Variants in POLH observed in about 807,000 individuals in gnomAD.
POLH encodes DNA polymerase eta, also known as DNA polymerase eta transcript.
POLH carries 53 observed loss-of-function variants against 73.6 expected under a neutral mutation model. That is an observed-to-expected ratio of 0.72 (90% CI 0.58 to 0.91). The LOEUF (loss-of-function observed/expected upper bound fraction) is 0.91. Among genes scored for constraint, POLH ranks in the 40% least tolerant of loss-of-function variants. The probability of loss-of-function intolerance (pLI) is 0.00; values close to 1 mark genes in which losing one functional copy is unlikely to be tolerated. For synonymous variants in POLH, 292 were observed against 308.5 expected (o/e 0.95, Z 0.56); for missense variants, 768 against 865.4 (o/e 0.89, Z 1.41).
Position 43,620,137 on chromosome 6 carries a change from A to C in POLH, c.*5580A>C. 1 of 398,478 alleles carries C rather than the reference A, an allele frequency of 2.5e-6. No homozygotes were observed. The highest frequency in any genetic ancestry group is 1.9e-5 in the South Asian group (1 of 53,722). The allele number at this position is 398,478 out of a possible 1,614,324, so 24.7% of individuals were successfully genotyped here. ...AGATTACCTTTTGTCTCTAAATTCT[A>C]CTCTTCTTTAAGTAGCTGGCACTGT... On this transcript the variant is annotated 3_prime_UTR_variant, in exon 11 of 11. Coordinates refer to ENST00000372236, the MANE Select transcript of POLH (RefSeq NM_006502.3).
At chr6:43,594,174 G>GA (rs1250259971) in intron 4 of POLH, among the ~76,000 whole-genome samples, 1 of 152,008 alleles carries the variant, frequency 6.6e-6, no homozygotes, top group Non-Finnish European at 1.5e-5. Flanking sequence ...AAGCAATGAT[G>GA]AAAAAAATCT....
At chr6:43,585,998 A>T (rs1764786549) in intron 3 of POLH, among the ~76,000 whole-genome samples, 1 of 147,866 alleles carries the variant, frequency 6.8e-6, no homozygotes, top group African/African-American at 2.5e-5. Flanking sequence ...TAATGATTTA[A>T]AAAAAAAAAA....
rs146499197 is a variant in POLH at position 43,614,492 on chromosome 6, A to G, written c.2077A>G (p.Asn693Asp). The part of the protein sequence containing the change: ...RNPKSPLACT[N>D]KRPRPEGMQT... ...TCCCAAGAGCCCTTTGGCCTGCACT[A>G]ATAAACGCCCCAGGCCTGAGGGCAT... The change falls in exon 11 of 11, where the codon AAT (asparagine) becomes GAT (aspartate). Residue 693 changes from asparagine (N) to aspartate (D), a missense_variant. Physicochemically the swap from Asn to Asp is conservative, Grantham distance 23. Transcript: ENST00000372236. 6 of 1,613,994 alleles carry G rather than the reference A, an allele frequency of 3.7e-6. No individual in the cohort carries two copies. In the African/African-American group the frequency reaches 6.7e-5, roughly 18 times the overall value.
At chr6:43,586,338 A>G (rs112978421) in intron 3 of POLH, among the ~76,000 whole-genome samples, 4,992 of 152,044 alleles carry the variant, frequency 0.033, 266 homozygotes, top group African/African-American at 0.11. Context: ...AAAATTCACC[A>G]GGCGTGGTGG....
rs998355604 is a variant in POLH at position 43,619,793 on chromosome 6, G to A, written c.*5236G>A. ...AACAGCTTAGCCCCTAATACAGGAG[G>A]AAGTTGTTCAACTACAGGCTTGTTA... On this transcript the variant is annotated 3_prime_UTR_variant, in exon 11 of 11. Transcript: ENST00000372236. Among the ~76,000 whole-genome samples, 1 of 152,222 alleles carries A rather than the reference G, an allele frequency of 6.6e-6. No individual in the cohort carries two copies. Among genetic ancestry groups the A allele is most frequent in the Non-Finnish European group, 1.5e-5 (1 of 68,044 alleles).
chr6:43,585,714 C>G (rs1338655104), intron 3 of POLH, among the ~76,000 whole-genome samples: 1 of 147,172 alleles, frequency 6.8e-6, no homozygotes, highest in Non-Finnish European at 1.5e-5. Flanking sequence ...GGTGCAATCT[C>G]GGCTCACCAC....
chr6:43,598,473 A>G (rs1371468025), intron 5 of POLH, among the ~76,000 whole-genome samples: 3 of 142,464 alleles, frequency 2.1e-5, no homozygotes, highest in Non-Finnish European at 4.6e-5. Flanking sequence ...CTAAAAATAC[A>G]AAAAAAAAAA....
At chr6:43,604,216 G>A (rs1050673131) in intron 7 of POLH, among the ~76,000 whole-genome samples, 1 of 152,156 alleles carries the variant, frequency 6.6e-6, no homozygotes, top group African/African-American at 2.4e-5. Context: ...CTAGGTGGTT[G>A]ATAGATAAGA....
intron 1 of POLH, among the ~76,000 whole-genome samples, chr6:43,578,693 C>T (rs1033828080): frequency 1.1e-3 from 173 of 152,278 alleles, no homozygotes; most frequent in African/African-American, 4.1e-3. Context: ...TAGGAGAACT[C>T]TACCATTTTT....
chr6:43,607,857 G>C (rs111230917), intron 9 of POLH, among the ~76,000 whole-genome samples: 7,724 of 152,234 alleles, frequency 0.051, 651 homozygotes, highest in African/African-American at 0.17. Flanking sequence ...TTGAAATCCT[G>C]TTCCTGGGCC....
Position 43,620,283 on chromosome 6 carries a change from A to C in POLH, c.*5726A>C. 1 of 517,356 alleles carries C rather than the reference A, an allele frequency of 1.9e-6. No homozygotes were observed. The highest frequency in any genetic ancestry group is 3.9e-6 in the Non-Finnish European group (1 of 259,562). 32.0% of individuals were successfully genotyped at this position (517,356 alleles called of 1,614,324 possible). ...AAGGCCTCAGTATTCTGCTCACTTG[A>C]ACTACGGAAAATAGGCCACAATACT... On this transcript the variant is annotated 3_prime_UTR_variant, in exon 11 of 11. Transcript: ENST00000372236.
At chr6:43,606,595 A>C (rs956330316) in intron 9 of POLH, among the ~76,000 whole-genome samples, 1 of 151,692 alleles carries the variant, frequency 6.6e-6, no homozygotes, top group African/African-American at 2.4e-5. Flanking sequence ...TACCCAGCTA[A>C]TTTTTTTATT....
chr6:43,603,776 C>G (rs1457898197), intron 6 of POLH, 116 bp from the exon 7 acceptor site: 11 of 957,830 alleles, frequency 1.1e-5, no homozygotes, highest in Non-Finnish European at 1.9e-5. Context: ...AGAATATATG[C>G]TCTCATTTGT....
intron 4 of POLH, among the ~76,000 whole-genome samples, chr6:43,590,127 G>C (rs1210673673): frequency 6.6e-6 from 1 of 151,860 alleles, no homozygotes; most frequent in Non-Finnish European, 1.5e-5. Context: ...GGGAGGCCGA[G>C]GTGGGTGGAT....
At chr6:43,580,900 C>T (rs1764059916) in intron 1 of POLH, among the ~76,000 whole-genome samples, 2 of 150,624 alleles carry the variant, frequency 1.3e-5, no homozygotes, top group East Asian at 2.0e-4. Context: ...GGCTGACCCC[C>T]CCACCTCCCT....
chr6:43,614,686 A>T lies in POLH; in HGVS notation c.*129A>T. 1.2e-6 allele frequency: 1 copy of T among 821,490 alleles called. No individual in the cohort carries two copies. Among genetic ancestry groups the T allele is most frequent in the Non-Finnish European group, 1.9e-6 (1 of 531,174 alleles). 50.9% of individuals were successfully genotyped at this position (821,490 alleles called of 1,614,324 possible). On this transcript the variant is annotated 3_prime_UTR_variant, in exon 11 of 11. Transcript: ENST00000372236. The stretch of plus-strand genomic sequence containing the variant: ...AAATTTTTAATACAAAAAATAATCC[A>T]TTTAGGTGCTGAGTTACGGTCCCAT...
In POLH at chr6:43,579,641, T is replaced by A. The variant is rs112742738; in HGVS notation, c.-4-2675T>A. On this transcript the variant is annotated intron_variant, in intron 1 of 10. Transcript: ENST00000372236. ...AGGGGCTCATGAGATTCCCAATTTA[T>A]ATCCAGTCAGTTAGAAGCACAGGTA... Among the ~76,000 whole-genome samples, 57 of 152,352 alleles carry A rather than the reference T, an allele frequency of 3.7e-4. 1 individual carries two copies. Among genetic ancestry groups the A allele is most frequent in the Middle Eastern group, 3.4e-3 (1 of 294 alleles).
In POLH at chr6:43,613,777, G is replaced by C. The variant is rs1270964451; in HGVS notation, c.1362G>C (p.Val454=). 2 of 1,613,832 alleles carry C rather than the reference G, an allele frequency of 1.2e-6. No individual in the cohort carries two copies. The highest frequency in any genetic ancestry group is 2.2e-5 in the South Asian group (2 of 91,056). The change falls in exon 11 of 11, where the codon GTG becomes GTC. Residue 454 remains valine (V), a synonymous_variant. Transcript: ENST00000372236. The part of the protein sequence containing the change: ...LSSDPSSLPK[V]PVTSSEAKTQ... ...GTGACCCAAGTTCTCTGCCAAAGGT[G>C]CCAGTTACCAGCTCAGAAGCTAAGA...
rs759031193 is a variant in POLH, at chr6:43,610,616, C to G, written c.1137C>G (p.Ser379Arg). The G allele has an allele frequency of 1.2e-6, 2 of 1,613,880 alleles. No homozygotes were observed. Among genetic ancestry groups the G allele is most frequent in the Non-Finnish European group, 1.7e-6 (2 of 1,179,818 alleles). ...GTGTACAAGGAGACAAACGCCTCAG[C>G]AGCCTGCGCCGCTGCTGTGCCCTTA... ...SIRVQGDKRL[S>R]SLRRCCALTR... Residue 379 changes from serine (S) to arginine (R), a missense_variant, in exon 10 of 11, where the codon AGC becomes AGG. Coordinates refer to ENST00000372236, the MANE Select transcript of POLH (RefSeq NM_006502.3).
Sources: gnomAD v4.1 joint callset for allele counts (sites outside exome capture counted in the v4.1 genomes callset) on GRCh38, gnomAD v4.1.1 for gene constraint, MANE v1.5 for transcripts, NCBI Gene and HGNC (gene_info 2026-07-23, HGNC 2026-07-21) for gene names.